DEPDC4: variants seen among roughly 807,000 people sequenced by gnomAD.
DEPDC4 encodes DEP domain-containing protein 4.
DEPDC4 carries 52 observed loss-of-function variants against 52.0 expected under a neutral mutation model. The ratio of observed to expected loss-of-function variants is 1.00; its 90% confidence interval spans 0.80 to 1.26. DEPDC4 has a LOEUF of 1.26. DEPDC4 is among the 50% of genes most tolerant of loss of function. The pLI, the probability that DEPDC4 is intolerant of heterozygous loss-of-function variation, is 0.00. For missense variants in DEPDC4, 530 were observed against 546.9 expected (o/e 0.97, Z 0.31); for synonymous variants, 201 against 196.8 (o/e 1.02, Z -0.18).
At chr12:100,245,401 G>C (rs1345503119) in intron 8 of DEPDC4, among the ~76,000 whole-genome samples, 1 of 152,040 alleles carries the variant, frequency 6.6e-6, no homozygotes, top group Non-Finnish European at 1.5e-5. Context: ...CAACTAGCTG[G>C]GATTACAGGC....
chr12:100,239,097 GAC>G (rs992385209), downstream of DEPDC4, among the ~76,000 whole-genome samples: 5 of 152,102 alleles, frequency 3.3e-5, no homozygotes, highest in African/African-American at 1.2e-4. Context: ...GTTTTTTTGA[GAC>G]AGAGTCTCTC....
upstream of DEPDC4, among the ~76,000 whole-genome samples, chr12:100,270,990 T>C (rs541274169): frequency 6.6e-6 from 1 of 152,242 alleles, no homozygotes; most frequent in African/African-American, 2.4e-5. Flanking sequence ...TCTTCTGTAA[T>C]CTGTTCTGGC....
chr12:100,254,317 G>GA (rs2096222159), intron 4 of DEPDC4, among the ~76,000 whole-genome samples: 1 of 109,510 alleles, frequency 9.1e-6, no homozygotes. Flanking sequence ...CCTTTTTTTT[G>GA]ACTTTTTTTT....
At chr12:100,241,992 A>T (rs1039615559) in intron 9 of DEPDC4, 147 bp from the exon 10 acceptor site, 2 of 317,528 alleles carry the variant, frequency 6.3e-6, no homozygotes, top group African/African-American at 4.5e-5. Context: ...TTCTTTCAAA[A>T]GTGCTTTTAC....
In DEPDC4 at chr12:100,256,017, C is replaced by T. The variant is rs748764332; in HGVS notation, c.878+32G>A. ...GCAAATATGTGAAAAAAACTGTTTACAAATTATTTGACAATAAAAATGGTC... is the reference window on the plus strand; with the variant it reads ...GCAAATATGTGAAAAAAACTGTTTATAAATTATTTGACAATAAAAATGGTC... On this transcript the variant is annotated intron_variant, in intron 4 of 9. Coordinates refer to ENST00000550587, the MANE Select transcript of DEPDC4 (RefSeq NM_001364818.2). The T allele has an allele frequency of 2.4e-5, 37 of 1,532,256 alleles. No homozygotes were observed. In the Admixed American group the frequency reaches 5.2e-4, roughly 22 times the overall value. 94.9% of individuals were successfully genotyped at this position (1,532,256 alleles called of 1,614,324 possible). A position where few individuals can be genotyped will look rare whatever the true frequency, so the allele number is the denominator to read the frequency against.
chr12:100,243,243 T>C (rs1447022091), intron 8 of DEPDC4, among the ~76,000 whole-genome samples: 2 of 152,126 alleles, frequency 1.3e-5, no homozygotes, highest in Admixed American at 1.3e-4. Flanking sequence ...GGGGGTACTG[T>C]AAGTGTTGAA....
intron 9 of DEPDC4, 112 bp from the exon 10 acceptor site, chr12:100,241,957 G>A (rs2096161126): frequency 1.8e-6 from 1 of 564,282 alleles, no homozygotes; most frequent in African/African-American, 2.1e-5. Flanking sequence ...TGTTACCTAT[G>A]CCTAGGCTTT....
chr12:100,252,134 T>G, intron 7 of DEPDC4, 42 bp downstream of exon 7: 1 of 1,124,458 alleles, frequency 8.9e-7, no homozygotes, highest in Non-Finnish European at 1.1e-6. Flanking sequence ...TTGACACAAG[T>G]AGCTTAGTAA....
intron 8 of DEPDC4, among the ~76,000 whole-genome samples, chr12:100,247,412 G>T (rs936934944): frequency 6.6e-6 from 1 of 151,868 alleles, no homozygotes; most frequent in Non-Finnish European, 1.5e-5. Flanking sequence ...TACCACATTG[G>T]CCAGGCTGGT....
At chr12:100,234,730 T>C (rs2096138882) in intron 9 of DEPDC4, among the ~76,000 whole-genome samples, 1 of 152,196 alleles carries the variant, frequency 6.6e-6, no homozygotes, top group Non-Finnish European at 1.5e-5. Flanking sequence ...CTGAATATTC[T>C]ATCAGGAGCA....
At chr12:100,263,438 A>G in intron 2 of DEPDC4, 59 bp downstream of exon 2, 1 of 1,386,748 alleles carries the variant, frequency 7.2e-7, no homozygotes, top group Non-Finnish European at 9.7e-7. Flanking sequence ...TTAGCTCAAT[A>G]AAGACAGTTC....
chr12:100,274,473 G>C, the DEPDC4 span, among the ~76,000 whole-genome samples: 1 of 152,174 alleles, frequency 6.6e-6, no homozygotes, highest in Non-Finnish European at 1.5e-5. Context: ...TAGTTCTGTG[G>C]TAGATAAGGC....
intron 3 of DEPDC4, among the ~76,000 whole-genome samples, chr12:100,256,885 C>T (rs980394238): frequency 6.6e-6 from 1 of 151,962 alleles, no homozygotes; most frequent in African/African-American, 2.4e-5. Flanking sequence ...TAGTGATCCG[C>T]CCGCCTCGGC....
chr12:100,237,980 G>C (rs563448919), downstream of DEPDC4: 1 of 676,734 alleles, frequency 1.5e-6, no homozygotes, highest in Admixed American at 6.3e-5. Context: ...GATTCACACT[G>C]AACATTAAAA....
In DEPDC4 at chr12:100,241,233, A is replaced by G. The variant is rs2096157399; in HGVS notation, c.*659T>C. 6.6e-6 allele frequency among the ~76,000 whole-genome samples: 1 copy of G among 152,212 alleles called. No homozygotes were observed. Among genetic ancestry groups the G allele is most frequent in the Non-Finnish European group, 1.5e-5 (1 of 68,036 alleles). On this transcript the variant is annotated 3_prime_UTR_variant, in exon 10 of 10. Coordinates refer to ENST00000550587, the MANE Select transcript of DEPDC4 (RefSeq NM_001364818.2). ...AAAGCTCCTTTCCTGTGGAAAAAAA[A>G]GGAAATTAACTGTACTAGATCCCTA...
chr12:100,252,926 C>A (rs1173712312), intron 5 of DEPDC4, among the ~76,000 whole-genome samples: 1 of 152,138 alleles, frequency 6.6e-6, no homozygotes, highest in African/African-American at 2.4e-5. Context: ...ATGTTTCTTT[C>A]TTTTTATTTT....
chr12:100,263,384 A>T, intron 2 of DEPDC4, 113 bp downstream of exon 2: 1 of 738,716 alleles, frequency 1.4e-6, no homozygotes, highest in East Asian at 3.6e-5. Context: ...TTTCACATGG[A>T]TTTTTTTTTT....
intron 7 of DEPDC4, 52 bp from the exon 8 acceptor site, chr12:100,249,030 G>A: frequency 5.2e-6 from 4 of 774,238 alleles, no homozygotes; most frequent in Non-Finnish European, 6.3e-6. Flanking sequence ...TTTCTAGCCA[G>A]CATTTCAACA....
At chr12:100,257,801 T>C (rs1291766005) in intron 3 of DEPDC4, 1 of 152,272 alleles carries the variant, frequency 6.6e-6, no homozygotes, top group Non-Finnish European at 1.5e-5. Context: ...TGGTTTTCCT[T>C]TTATTTAACA....
Sources: gnomAD v4.1 joint callset for allele counts (sites outside exome capture counted in the v4.1 genomes callset) on GRCh38, gnomAD v4.1.1 for gene constraint, MANE v1.5 for transcripts, NCBI Gene and HGNC (gene_info 2026-07-23, HGNC 2026-07-21) for gene names.